Variants in TIGIT observed in about 807,000 individuals in gnomAD.
TIGIT encodes T cell immunoreceptor with Ig and ITIM domains, also known as T-cell immunoreceptor with Ig and ITIM domains.
Under a neutral mutation model 19.6 loss-of-function variants are expected in TIGIT, and 11 were observed. The observed-to-expected ratio is 0.56, with a 90% CI of 0.35 to 0.93. TIGIT has a LOEUF of 0.93. Ranked by LOEUF, TIGIT falls within the 40% of genes least tolerant of loss-of-function variation. TIGIT has a pLI of 0.01. For synonymous variants in TIGIT, 130 were observed against 125.5 expected, an observed-to-expected ratio of 1.04 and a Z score of -0.24; for missense variants, 295 against 303.9, an observed-to-expected ratio of 0.97 and a Z score of 0.22.
chr3:114,298,028 C>T (rs1276659966), intron 2 of TIGIT, among the ~76,000 whole-genome samples: 1 of 152,180 alleles, frequency 6.6e-6, no homozygotes, highest in East Asian at 1.9e-4. Context: ...AGTCCAAGTC[C>T]CTATCCTAAT....
rs2078447951 is a variant in TIGIT at position 114,295,588 on chromosome 3, A to C, written c.105A>C (p.Ala35=). The part of the protein sequence containing the change: ...GTIETTGNIS[A]EKGGSIILQC... ...TAGAAACAACGGGGAACATTTCTGC[A>C]GAGAAAGGTGGCTCTATCATCTTAC... Residue 35 remains alanine (A), a synonymous_variant, in exon 2 of 4, where the codon GCA becomes GCC. Coordinates refer to ENST00000383671, the MANE Select transcript of TIGIT (RefSeq NM_173799.4). 6.2e-7 allele frequency: 1 copy of C among 1,614,094 alleles called. No individual in the cohort carries two copies. Among genetic ancestry groups the C allele is most frequent in the Non-Finnish European group, 8.5e-7 (1 of 1,180,034 alleles).
intron 3 of TIGIT, among the ~76,000 whole-genome samples, chr3:114,305,166 A>G (rs990589812): frequency 3.1e-5 from 1 of 31,826 alleles, no homozygotes; most frequent in Non-Finnish European, 1.2e-4. Context: ...CCAATTCCAG[A>G]GTTCTAACAC....
At chr3:114,299,419 A>G (rs2078474980) in intron 2 of TIGIT, among the ~76,000 whole-genome samples, 178 bp from the exon 3 acceptor site, 2 of 152,198 alleles carry the variant, frequency 1.3e-5, no homozygotes, top group South Asian at 2.1e-4. Flanking sequence ...CATTGATTTC[A>G]TGATGGGCCA....
At chr3:114,297,087 G>T (rs900583469) in intron 2 of TIGIT, among the ~76,000 whole-genome samples, 14 of 151,698 alleles carry the variant, frequency 9.2e-5, no homozygotes, top group Admixed American at 9.2e-4. Context: ...GTAGAGACAG[G>T]GTTTCTTCAC....
chr3:114,308,184 A>C lies in TIGIT; in HGVS notation c.*53A>C. The C allele has an allele frequency of 3.5e-6, 5 of 1,424,792 alleles. No homozygotes were observed. Among genetic ancestry groups the C allele is most frequent in the South Asian group, 1.2e-5 (1 of 83,394 alleles). 88.3% of individuals were successfully genotyped at this position (1,424,792 alleles called of 1,614,324 possible). ...ACTTTTGTCTTTGCTATTATAGATG[A>C]ATATATAAGCAGCTGTACTCTCCAT... On this transcript the variant is annotated 3_prime_UTR_variant, in exon 4 of 4. Coordinates refer to ENST00000383671, the MANE Select transcript of TIGIT (RefSeq NM_173799.4).
intron 1 of TIGIT, among the ~76,000 whole-genome samples, chr3:114,294,543 G>A (rs990844081): frequency 2.6e-5 from 4 of 152,202 alleles, no homozygotes; most frequent in Admixed American, 1.3e-4. Flanking sequence ...GATTCCAGAG[G>A]TTCTACCACT....
intron 3 of TIGIT, chr3:114,307,691 G>C: frequency 1.7e-6 from 1 of 579,428 alleles, no homozygotes; most frequent in Non-Finnish European, 3.1e-6. Context: ...GGTATATGTA[G>C]TAAGTGCAGT....
In TIGIT at chr3:114,299,613, C is replaced by T; in HGVS notation, c.408C>T (p.Ala136=). The part of the protein sequence containing the change: ...VLESSVAEHG[A]RFQIPLLGAM... Reference sequence around the variant, plus strand: ...TCCCTCTAGTGGCTGAGCACGGTGCCAGGTTCCAGATTCCATTGCTTGGAG... The same window carrying T: ...TCCCTCTAGTGGCTGAGCACGGTGCTAGGTTCCAGATTCCATTGCTTGGAG... The change falls in exon 3 of 4, where the codon GCC becomes GCT. Residue 136 remains alanine (A), a synonymous_variant. Coordinates refer to ENST00000383671, the MANE Select transcript of TIGIT (RefSeq NM_173799.4). The T allele has an allele frequency of 6.2e-7, 1 of 1,613,298 alleles. No homozygotes were observed. The highest frequency in any genetic ancestry group is 8.5e-7 in the Non-Finnish European group (1 of 1,179,800).
intron 3 of TIGIT, among the ~76,000 whole-genome samples, chr3:114,301,430 G>T (rs781351926): frequency 2.0e-5 from 3 of 152,110 alleles, no homozygotes; most frequent in Admixed American, 6.5e-5. Flanking sequence ...AACCCTCTAT[G>T]GGAAGGTGAG....
intron 3 of TIGIT, chr3:114,307,519 G>C (rs2107956502): frequency 4.9e-6 from 1 of 203,670 alleles, no homozygotes; most frequent in South Asian, 8.7e-5. Flanking sequence ...AGGAGGAGAA[G>C]AAAATCAGGA....
At position 114,296,709 on chromosome 3, in the gene TIGIT, T is replaced by C. The variant is rs979249660; in HGVS notation, c.391+835T>C. 2.5e-4 allele frequency among the ~76,000 whole-genome samples: 38 copies of C among 152,138 alleles called. 1 individual carries two copies. Among genetic ancestry groups the C allele is most frequent in the African/African-American group, 8.7e-4 (36 of 41,426 alleles). ...TTTGATGCAGGCAGAAGCTGGAGCT[T>C]GGAGTTGCTCAGAGTGGTAGAGCTG... is the stretch of plus-strand genomic sequence containing the variant. On this transcript the variant is annotated intron_variant, in intron 2 of 3. Coordinates refer to ENST00000383671, the MANE Select transcript of TIGIT (RefSeq NM_173799.4).
intron 2 of TIGIT, among the ~76,000 whole-genome samples, chr3:114,298,978 T>C (rs889697562): frequency 6.6e-6 from 1 of 152,210 alleles, no homozygotes; most frequent in African/African-American, 2.4e-5. Flanking sequence ...ACATGTTATC[T>C]CTTAATGAAA....
In TIGIT at chr3:114,309,860, A is replaced by G. The variant is rs577526990; in HGVS notation, c.*1729A>G. 3 of 152,218 alleles carry G rather than the reference A, an allele frequency of 2.0e-5. No homozygotes were observed. Among genetic ancestry groups the G allele is most frequent in the South Asian group, 2.1e-4 (1 of 4,826 alleles). The allele number at this position is 152,218 out of a possible 1,614,324, so 9.4% of individuals were successfully genotyped here. A position where few individuals can be genotyped will look rare whatever the true frequency, so the allele number is the denominator to read the frequency against. ...TTGGACTGAGAGTTGGGTGTTATTTAACATAATTATGGTAATTGGGAAACA... is the reference window on the plus strand; with the variant it reads ...TTGGACTGAGAGTTGGGTGTTATTTGACATAATTATGGTAATTGGGAAACA... On this transcript the variant is annotated 3_prime_UTR_variant, in exon 4 of 4. Transcript: ENST00000383671.
At chr3:114,307,834 T>C (rs2078545612) in intron 3 of TIGIT, 61 bp from the exon 4 acceptor site, 1 of 1,435,022 alleles carries the variant, frequency 7.0e-7, no homozygotes, top group South Asian at 1.2e-5. Context: ...AGATGTCATA[T>C]TGGGGATTAA....
intron 2 of TIGIT, among the ~76,000 whole-genome samples, chr3:114,298,781 C>T (rs543360167): frequency 1.3e-5 from 2 of 152,318 alleles, no homozygotes; most frequent in Admixed American, 1.3e-4. Flanking sequence ...AGATGTGAGG[C>T]TTCTGCTGCA....
chr3:114,295,712 A>C lies in TIGIT; in HGVS notation c.229A>C (p.Ile77Leu), dbSNP rs779535772. The stretch of plus-strand genomic sequence containing the variant: ...TTGTAATGCTGACTTGGGGTGGCAC[A>C]TCTCCCCATCCTTCAAGGATCGAGT... ...AICNADLGWH[I>L]SPSFKDRVAP... The change falls in exon 2 of 4, where the codon ATC becomes CTC. Residue 77 changes from isoleucine (I) to leucine (L), a missense_variant. Ile to Leu is a conservative substitution (Grantham distance 5, BLOSUM62 2). Coordinates refer to ENST00000383671, the MANE Select transcript of TIGIT (RefSeq NM_173799.4). 1 of 1,614,170 alleles carries C rather than the reference A, an allele frequency of 6.2e-7. No individual in the cohort carries two copies. Among genetic ancestry groups the C allele is most frequent in the South Asian group, 1.1e-5 (1 of 91,080 alleles).
In TIGIT at chr3:114,295,609, C is replaced by T; in HGVS notation, c.126C>T (p.Ile42=). The T allele has an allele frequency of 3.7e-6, 6 of 1,614,194 alleles. No homozygotes were observed. The highest frequency in any genetic ancestry group is 1.1e-5 in the South Asian group (1 of 91,084). Reference sequence around the variant, plus strand: ...CTGCAGAGAAAGGTGGCTCTATCATCTTACAATGTCACCTCTCCTCCACCA... The same window carrying T: ...CTGCAGAGAAAGGTGGCTCTATCATTTTACAATGTCACCTCTCCTCCACCA... ...NISAEKGGSI[I]LQCHLSSTTA... The change falls in exon 2 of 4, where the codon ATC becomes ATT. Residue 42 remains isoleucine, a synonymous_variant. Coordinates refer to ENST00000383671, the MANE Select transcript of TIGIT (RefSeq NM_173799.4).
At chr3:114,307,114 C>T (rs1038604496) in intron 3 of TIGIT, among the ~76,000 whole-genome samples, 8 of 152,022 alleles carry the variant, frequency 5.3e-5, no homozygotes, top group African/African-American at 1.9e-4. Flanking sequence ...GAACATTAGC[C>T]TCCAGATTTC....
intron 3 of TIGIT, among the ~76,000 whole-genome samples, chr3:114,306,390 T>C (rs1431311812): frequency 6.6e-6 from 1 of 152,086 alleles, no homozygotes; most frequent in Non-Finnish European, 1.5e-5. Context: ...TTAATCCAGT[T>C]AAGATGATAC....
Sources: allele counts gnomAD v4.1 joint callset (sites outside exome capture counted in the v4.1 genomes callset), GRCh38; gene constraint gnomAD v4.1.1; transcripts MANE v1.5; gene names NCBI Gene and HGNC (gene_info 2026-07-23, HGNC 2026-07-21).